Variants in MMRN1 observed in about 807,000 individuals in gnomAD.
MMRN1 encodes the protein multimerin 1.
MMRN1 carries 94 observed loss-of-function variants against 100.7 expected under a neutral mutation model. The ratio of observed to expected loss-of-function variants is 0.93; its 90% CI spans 0.79 to 1.11. MMRN1 has a LOEUF of 1.11. Ranked by LOEUF, MMRN1 falls within the 50% of genes least tolerant of loss-of-function variation. The probability of loss-of-function intolerance (pLI) is 0.00; values close to 1 mark genes in which losing one functional copy is unlikely to be tolerated. For missense variants in MMRN1, 1,606 were observed against 1,439.1 expected (o/e 1.12, Z -1.88); for synonymous variants, 575 against 505.0 (o/e 1.14, Z -1.86).
At chr4:89,888,482 C>G (rs1200417650) in intron 1 of MMRN1, among the ~76,000 whole-genome samples, 1 of 150,868 alleles carries the variant, frequency 6.6e-6, no homozygotes, top group East Asian at 1.9e-4. Flanking sequence ...TGTGTCTCAT[C>G]AATTTTGGAA....
intron 3 of MMRN1, among the ~76,000 whole-genome samples, chr4:89,916,497 A>C (rs1721924077): frequency 6.6e-6 from 1 of 151,684 alleles, no homozygotes; most frequent in Admixed American, 6.6e-5. Context: ...AAAGTTAATC[A>C]CATTTTCTTT....
Position 89,927,865 on chromosome 4 carries a change from T to G in MMRN1, c.1026T>G (p.Ile342Met). Reference protein sequence around the residue: ...AMKLTLLQKKIDNISLTVNDV... With the variant: ...AMKLTLLQKKMDNISLTVNDV... ...AACTGACTCTTCTGCAGAAGAAGAT[T>G]GACAATATTTCTTTGACTGTGAATG... The change falls in exon 5 of 8, where the codon ATT becomes ATG. Residue 342 changes from isoleucine (I) to methionine (M), a missense_variant. Ile to Met is a conservative substitution (Grantham distance 10). Coordinates refer to ENST00000264790, the MANE Select transcript of MMRN1 (RefSeq NM_007351.3). The G allele has an allele frequency of 6.2e-7, 1 of 1,612,724 alleles. No homozygotes were observed. The highest frequency in any genetic ancestry group is 1.7e-4 in the Middle Eastern group (1 of 6,054).
chr4:89,923,341 C>A, intron 4 of MMRN1, 69 bp downstream of exon 4: 3 of 1,332,916 alleles, frequency 2.3e-6, no homozygotes, highest in Non-Finnish European at 2.1e-6. Context: ...AACTTCCAAG[C>A]AAGAAATCTC....
Position 89,899,864 on chromosome 4 carries a change from C to G in MMRN1, c.623+4270C>G, listed in dbSNP as rs112041666. ...CTTGCCGTTATTCACCACTAGTGTT[C>G]TAATTGGTCCACTTCTTTCCACTCT... On this transcript the variant is annotated intron_variant, in intron 1 of 7. Coordinates refer to ENST00000264790, the MANE Select transcript of MMRN1 (RefSeq NM_007351.3). 3.7e-3 allele frequency among the ~76,000 whole-genome samples: 555 copies of G among 151,988 alleles called. 4 individuals are homozygous for G. Among genetic ancestry groups the G allele is most frequent in the African/African-American group, 0.013 (524 of 41,484 alleles).
intron 5 of MMRN1, among the ~76,000 whole-genome samples, chr4:89,933,876 C>T (rs954942429): frequency 1.3e-5 from 2 of 152,122 alleles, no homozygotes; most frequent in Non-Finnish European, 2.9e-5. Context: ...TGTACTTCAT[C>T]ACTAGATATT....
chr4:89,932,790 T>C (rs1302925841), intron 5 of MMRN1, among the ~76,000 whole-genome samples: 2 of 152,118 alleles, frequency 1.3e-5, no homozygotes, highest in African/African-American at 4.8e-5. Flanking sequence ...CCTCCTAGGC[T>C]TCCCAGCTGG....
chr4:89,925,500 TAA>T (rs1491133857), intron 4 of MMRN1, among the ~76,000 whole-genome samples: 1 of 140,114 alleles, frequency 7.1e-6, no homozygotes, highest in African/African-American at 2.8e-5. Flanking sequence ...TTTATATTTT[TAA>T]TATATATATA....
chr4:89,915,699 T>C (rs1431596063), intron 3 of MMRN1, among the ~76,000 whole-genome samples: 1 of 151,434 alleles, frequency 6.6e-6, no homozygotes, highest in Non-Finnish European at 1.5e-5. Flanking sequence ...AGGGCTTCCA[T>C]TGCAAGGGGA....
At chr4:89,952,841 A>C (rs553642340) in intron 7 of MMRN1, among the ~76,000 whole-genome samples, 156 bp from the exon 8 acceptor site, 1 of 152,280 alleles carries the variant, frequency 6.6e-6, no homozygotes, top group South Asian at 2.1e-4. Context: ...GAGAAGAGAC[A>C]GGCATTGAGA....
chr4:89,921,309 T>C (rs961745967), intron 3 of MMRN1, among the ~76,000 whole-genome samples: 1 of 152,126 alleles, frequency 6.6e-6, no homozygotes, highest in Non-Finnish European at 1.5e-5. Flanking sequence ...AGATCTAAGG[T>C]GGGACTCTAG....
At chr4:89,880,045 C>T (rs1464801387) in intron 1 of MMRN1, among the ~76,000 whole-genome samples, 1 of 152,172 alleles carries the variant, frequency 6.6e-6, no homozygotes, top group Non-Finnish European at 1.5e-5. Context: ...ACAATTGGTG[C>T]ACTTACAAAT....
rs1041633469 is a variant in MMRN1, at chr4:89,918,985, G to A, written c.851-4183G>A. On this transcript the variant is annotated intron_variant, in intron 3 of 7. Coordinates refer to ENST00000264790, the MANE Select transcript of MMRN1 (RefSeq NM_007351.3). ...TATGAAAATACTTGTATATGAAAGA[G>A]TTCAAGTTTCATTAATAATACTTTT... is the stretch of plus-strand genomic sequence containing the variant. Among the ~76,000 whole-genome samples the A allele has an allele frequency of 6.7e-4, 101 of 151,666 alleles. 2 individuals are homozygous for A. The highest frequency in any genetic ancestry group is 8.6e-4 in the Admixed American group (13 of 15,170).
chr4:89,882,402 G>A (rs1380282706), intron 1 of MMRN1, among the ~76,000 whole-genome samples: 1 of 151,340 alleles, frequency 6.6e-6, no homozygotes, highest in Non-Finnish European at 1.5e-5. Flanking sequence ...GTGCATTTAG[G>A]TGATTTTAAG....
intron 6 of MMRN1, among the ~76,000 whole-genome samples, chr4:89,948,015 G>T (rs1437398661): frequency 1.3e-5 from 2 of 152,042 alleles, no homozygotes; most frequent in Middle Eastern, 3.2e-3. Context: ...ACCACACCCA[G>T]CTAATTTTGT....
chr4:89,900,751 C>A lies in MMRN1; in HGVS notation c.623+5157C>A, dbSNP rs955136628. On this transcript the variant is annotated intron_variant, in intron 1 of 7. Coordinates refer to ENST00000264790, the MANE Select transcript of MMRN1 (RefSeq NM_007351.3). ...TTGGCATCCAGAGGGGAGATCAAGG[C>A]TAGAGATATAAATTTGGCAAAGCAT... Among the ~76,000 whole-genome samples, 7 of 151,944 alleles carry A rather than the reference C, an allele frequency of 4.6e-5. No individual in the cohort carries two copies. In the South Asian group the frequency reaches 8.3e-4, roughly 18 times the overall value.
At chr4:89,896,603 C>T (rs1232649655) in intron 1 of MMRN1, among the ~76,000 whole-genome samples, 2 of 152,052 alleles carry the variant, frequency 1.3e-5, no homozygotes, top group African/African-American at 2.4e-5. Flanking sequence ...AGACACCAGA[C>T]ATGTCTTGGG....
intron 5 of MMRN1, among the ~76,000 whole-genome samples, chr4:89,934,067 A>G (rs1396537843): frequency 1.3e-5 from 2 of 151,996 alleles, no homozygotes; most frequent in East Asian, 1.9e-4. Context: ...ATTATGGCTT[A>G]TGATTAACCA....
At chr4:89,891,565 C>T (rs1001894134), upstream of MMRN1, among the ~76,000 whole-genome samples, 1 of 152,086 alleles carries the variant, frequency 6.6e-6, no homozygotes, top group Non-Finnish European at 1.5e-5. Context: ...CCAAATTTAA[C>T]TTACCTAGCA....
At chr4:89,942,380 A>C (rs1722860787) in intron 6 of MMRN1, among the ~76,000 whole-genome samples, 1 of 152,218 alleles carries the variant, frequency 6.6e-6, no homozygotes, top group Non-Finnish European at 1.5e-5. Flanking sequence ...ATTGATTATC[A>C]AACATGAAAA....
Sources: allele counts gnomAD v4.1 joint callset (sites outside exome capture counted in the v4.1 genomes callset), GRCh38; gene constraint gnomAD v4.1.1; transcripts MANE v1.5; gene names NCBI Gene and HGNC (gene_info 2026-07-23, HGNC 2026-07-21).